The following TIMM17A variants were observed in gnomAD, a reference collection of about 807,000 sequenced individuals.
TIMM17A encodes translocase of inner mitochondrial membrane 17A.
In TIMM17A, 15 loss-of-function variants were observed where a neutral mutation model predicts 26.5. The ratio of observed to expected loss-of-function variants is 0.57; its 90% confidence interval spans 0.38 to 0.87. TIMM17A has a LOEUF of 0.87. Ranked by LOEUF, TIMM17A falls within the 40% of genes least tolerant of loss-of-function variation. The probability of loss-of-function intolerance (pLI) is 0.00; values close to 1 mark genes in which losing one functional copy is unlikely to be tolerated. For synonymous variants in TIMM17A, 80 were observed against 70.8 expected (o/e 1.13, Z -0.66); for missense variants, 201 against 210.0 (o/e 0.96, Z 0.27).
At chr1:201,963,886 A>C in intron 4 of TIMM17A, 142 bp downstream of exon 4, 1 of 902,904 alleles carries the variant, frequency 1.1e-6, no homozygotes, top group African/African-American at 1.7e-5. Context: ...ATCACTTGGG[A>C]GGCTGAGGCA....
Position 201,969,497 on chromosome 1 carries a change from G to A in TIMM17A, c.459G>A (p.Gln153=). The A allele has an allele frequency of 2.5e-6, 4 of 1,613,854 alleles. No individual in the cohort carries two copies. The South Asian group carries it at 4.4e-5, about 18-fold the overall frequency. ...CTCAGTTTGCAGAAGACCCCTCCCA[G>A]TTGCCTTCAACTCAGTTACCTTCCT... is the stretch of plus-strand genomic sequence containing the variant. The part of the protein sequence containing the change: ...NGPQFAEDPS[Q]LPSTQLPSSP... Residue 153 remains glutamine, a synonymous_variant, in exon 6 of 6, where the codon CAG becomes CAA. Transcript: ENST00000367287.
intron 1 of TIMM17A, 151 bp downstream of exon 1, chr1:201,955,703 G>A: frequency 9.0e-7 from 1 of 1,112,054 alleles, no homozygotes; most frequent in Non-Finnish European, 1.3e-6. Context: ...TTCGCGGCCA[G>A]TCGGCTTCTT....
chr1:201,958,489 G>A (rs577839330), intron 3 of TIMM17A, among the ~76,000 whole-genome samples: 16 of 152,380 alleles, frequency 1.1e-4, no homozygotes, highest in South Asian at 4.1e-4. Context: ...GATAGCTTGA[G>A]CTCAGGAGTT....
chr1:201,966,003 G>T, intron 5 of TIMM17A, among the ~76,000 whole-genome samples: 1 of 152,186 alleles, frequency 6.6e-6, no homozygotes. Context: ...AGATAGTGTT[G>T]CTTGTTTTGA....
At chr1:201,963,573 A>G in intron 3 of TIMM17A, 43 bp from the exon 4 acceptor site, 1 of 1,574,556 alleles carries the variant, frequency 6.4e-7, no homozygotes, top group South Asian at 1.2e-5. Flanking sequence ...TGGAAGATGA[A>G]ATTTAAATTA....
chr1:201,958,529 A>G (rs1571603181), intron 3 of TIMM17A, among the ~76,000 whole-genome samples: 1 of 152,170 alleles, frequency 6.6e-6, no homozygotes, highest in African/African-American at 2.4e-5. Context: ...ATGGCTGCCC[A>G]TTTCCCCAGA....
At chr1:201,966,686 A>G (rs1251870254) in intron 5 of TIMM17A, among the ~76,000 whole-genome samples, 1 of 151,814 alleles carries the variant, frequency 6.6e-6, no homozygotes, top group Non-Finnish European at 1.5e-5. Context: ...TCTACTAAAA[A>G]TACAAATTAG....
In TIMM17A at chr1:201,964,649, T is replaced by A. The variant is rs1321870816; in HGVS notation, c.320-784T>A. On this transcript the variant is annotated intron_variant, in intron 4 of 5. Coordinates refer to ENST00000367287, the MANE Select transcript of TIMM17A (RefSeq NM_006335.3). ...TTATTTTATTTCTTTTTTTTTTTTT[T>A]TTTTTTTTTTTTTTTTTGAGACTGA... Among the ~76,000 whole-genome samples, 861 of 125,602 alleles carry A rather than the reference T, an allele frequency of 6.9e-3. 19 individuals are homozygous for A. The highest frequency in any genetic ancestry group is 7.4e-3 in the Non-Finnish European group (450 of 60,638). 82.4% of individuals were successfully genotyped at this position (125,602 alleles called of 152,430 possible).
At chr1:201,967,009 GTGTGTGTA>G (rs985645316) in intron 5 of TIMM17A, among the ~76,000 whole-genome samples, 13 of 139,034 alleles carry the variant, frequency 9.4e-5, no homozygotes, top group African/African-American at 3.4e-4. Context: ...GTGTGTGTGT[GTGTGTGTA>G]TATATATATA....
chr1:201,964,895 AC>A (rs973281205), intron 4 of TIMM17A, among the ~76,000 whole-genome samples: 2 of 149,956 alleles, frequency 1.3e-5, no homozygotes, highest in Non-Finnish European at 3.0e-5. Flanking sequence ...TAATCCACCC[AC>A]CTCGGCCTCC....
At chr1:201,957,435 A>G (rs1021615816) in intron 2 of TIMM17A, 55 bp downstream of exon 2, 25 of 1,583,024 alleles carry the variant, frequency 1.6e-5, no homozygotes, top group Non-Finnish European at 2.1e-5. Flanking sequence ...GTTTGATGAT[A>G]TTACTGGTGG....
At chr1:201,965,881 T>C (rs113387923) in intron 5 of TIMM17A, among the ~76,000 whole-genome samples, 1 of 152,222 alleles carries the variant, frequency 6.6e-6, no homozygotes, top group African/African-American at 2.4e-5. Flanking sequence ...ATTGTACATC[T>C]ACATGCCAGA....
At chr1:201,958,300 A>G (rs895779610) in intron 3 of TIMM17A, among the ~76,000 whole-genome samples, 3 of 152,232 alleles carry the variant, frequency 2.0e-5, no homozygotes, top group Non-Finnish European at 4.4e-5. Context: ...TGCAGAGGTC[A>G]TTGGAAAATT....
chr1:201,963,499 G>A, intron 3 of TIMM17A, 117 bp from the exon 4 acceptor site: 1 of 990,222 alleles, frequency 1.0e-6, no homozygotes, highest in Non-Finnish European at 1.5e-6. Context: ...GTGTTTGCAT[G>A]TATTTGTTTG....
Position 201,955,509 on chromosome 1 carries a change from C to G in TIMM17A, c.-18C>G, listed in dbSNP as rs1465087606. On this transcript the variant is annotated 5_prime_UTR_variant, in exon 1 of 6. Transcript: ENST00000367287. Reference sequence around the variant, plus strand: ...TCCGCCCAGCTTGCCCGGCATCACTCGCGGCATTGGAGTCAAGATGGAGGA... The same window carrying G: ...TCCGCCCAGCTTGCCCGGCATCACTGGCGGCATTGGAGTCAAGATGGAGGA... 2 of 1,614,138 alleles carry G rather than the reference C, an allele frequency of 1.2e-6. No individual in the cohort carries two copies. Among genetic ancestry groups the G allele is most frequent in the African/African-American group, 2.7e-5 (2 of 74,958 alleles).
chr1:201,969,581 A>G lies in TIMM17A; in HGVS notation c.*27A>G. On this transcript the variant is annotated 3_prime_UTR_variant, in exon 6 of 6. Coordinates refer to ENST00000367287, the MANE Select transcript of TIMM17A (RefSeq NM_006335.3). ...ACTTCTTTCCTAGGATTTCTTTAAC[A>G]GAACGAGTTGTGGTTCGAGAAGGAT... is the stretch of plus-strand genomic sequence containing the variant. The G allele has an allele frequency of 1.3e-6, 2 of 1,574,986 alleles. No individual in the cohort carries two copies. The highest frequency in any genetic ancestry group is 2.2e-5 in the East Asian group (1 of 44,664).
intron 3 of TIMM17A, among the ~76,000 whole-genome samples, chr1:201,961,175 CCAT>C (rs1462305828): frequency 1.3e-5 from 2 of 151,148 alleles, no homozygotes; most frequent in African/African-American, 2.4e-5. Flanking sequence ...AAGCGATTGT[CCAT>C]CCTCAGCCTC....
chr1:201,961,258 G>T (rs1467686558), intron 3 of TIMM17A, among the ~76,000 whole-genome samples: 2 of 151,716 alleles, frequency 1.3e-5, no homozygotes, highest in Non-Finnish European at 2.9e-5. Context: ...GTGGAGATGG[G>T]GTTTCACCAT....
At chr1:201,964,233 G>C (rs1381555916) in intron 4 of TIMM17A, among the ~76,000 whole-genome samples, 1 of 152,182 alleles carries the variant, frequency 6.6e-6, no homozygotes, top group African/African-American at 2.4e-5. Context: ...ATATATTACA[G>C]TGGTTGAGAG....
Sources: allele counts gnomAD v4.1 joint callset (sites outside exome capture counted in the v4.1 genomes callset), GRCh38; gene constraint gnomAD v4.1.1; transcripts MANE v1.5; gene names NCBI Gene and HGNC (gene_info 2026-07-23, HGNC 2026-07-21).